MECOM: variants seen among roughly 807,000 people sequenced by gnomAD.
MECOM encodes MDS1 and EVI1 complex locus, also known as histone-lysine N-methyltransferase MECOM.
In MECOM, 13 loss-of-function variants were observed where a neutral mutation model predicts 116.3. The observed-to-expected ratio is 0.11, with a 90% CI of 0.07 to 0.18. MECOM has a LOEUF of 0.18. Among genes scored for constraint, MECOM ranks in the 10% least tolerant of loss-of-function variants. The pLI is 1.00. For synonymous variants in MECOM, 528 were observed against 535.2 expected (o/e 0.99, Z 0.19); for missense variants, 1,299 against 1,509.0 (o/e 0.86, Z 2.31).
chr3:169,194,373 G>A (rs1481714089), intron 2 of MECOM, among the ~76,000 whole-genome samples: 3 of 152,006 alleles, frequency 2.0e-5, no homozygotes, highest in Non-Finnish European at 2.9e-5. Context: ...TAAATGATGG[G>A]TTAATGGGTG....
chr3:169,205,124 C>A (rs1749731753), intron 2 of MECOM, among the ~76,000 whole-genome samples: 1 of 152,088 alleles, frequency 6.6e-6, no homozygotes, highest in South Asian at 2.1e-4. Context: ...TGAGGTCTTT[C>A]AGACCTAATA....
intron 2 of MECOM, among the ~76,000 whole-genome samples, chr3:169,222,548 T>C (rs73172025): frequency 6.6e-6 from 1 of 152,310 alleles, no homozygotes; most frequent in Non-Finnish European, 1.5e-5. Context: ...GTGAGTGCTG[T>C]TGGGTTTTGG....
At chr3:169,542,242 C>G (rs766184723) in intron 1 of MECOM, among the ~76,000 whole-genome samples, 2 of 151,988 alleles carry the variant, frequency 1.3e-5, no homozygotes, top group South Asian at 2.1e-4. Context: ...AACTGGCTGA[C>G]CTTTCACAGC....
intron 1 of MECOM, among the ~76,000 whole-genome samples, chr3:169,624,997 T>C (rs1771183545): frequency 6.7e-6 from 1 of 149,122 alleles, no homozygotes; most frequent in South Asian, 2.1e-4. Flanking sequence ...CCAACCCTTC[T>C]GAGTTTCTGA....
chr3:169,661,114 G>T (rs1160338638), intron 1 of MECOM, among the ~76,000 whole-genome samples: 1 of 152,214 alleles, frequency 6.6e-6, no homozygotes, highest in Non-Finnish European at 1.5e-5. Context: ...AGACGGCATC[G>T]TATGTCTTGC....
intron 2 of MECOM, among the ~76,000 whole-genome samples, chr3:169,368,052 T>C (rs575290723): frequency 1.3e-5 from 2 of 152,204 alleles, no homozygotes; most frequent in Non-Finnish European, 2.9e-5. Flanking sequence ...ATATCAACTT[T>C]AAAGACGTAG....
rs10576266 is a variant in MECOM, at chr3:169,180,794, G to GATATATATATAT, written c.376-36974_376-36963dup. On this transcript the variant is annotated intron_variant, in intron 2 of 16. Coordinates refer to ENST00000651503, the MANE Select transcript of MECOM (RefSeq NM_004991.4). ...TATGTATGTGTGTGTGTGTGGAGAT[G>GATATATATATAT]ATATATATATATATATATATCAGGC... is the stretch of plus-strand genomic sequence containing the variant. Among the ~76,000 whole-genome samples, 713 of 108,742 alleles carry GATATATATATAT rather than the reference G, an allele frequency of 6.6e-3. 56 individuals carry two copies. Among genetic ancestry groups the GATATATATATAT allele is most frequent in the South Asian group, 0.02 (70 of 3,524 alleles). 71.3% of individuals were successfully genotyped at this position (108,742 alleles called of 152,430 possible). A position where few individuals can be genotyped will look rare whatever the true frequency, so the allele number is the denominator to read the frequency against.
intron 1 of MECOM, among the ~76,000 whole-genome samples, chr3:169,408,453 A>G (rs1737042869): frequency 1.3e-5 from 2 of 152,206 alleles, no homozygotes; most frequent in South Asian, 4.1e-4. Flanking sequence ...TTCTCATACC[A>G]CAGGGACCAG....
intron 1 of MECOM, among the ~76,000 whole-genome samples, chr3:169,450,638 G>T (rs895354813): frequency 2.0e-5 from 3 of 151,856 alleles, no homozygotes; most frequent in African/African-American, 7.3e-5. Context: ...GAGTAGTCAC[G>T]CTGTGTTCTC....
chr3:169,221,512 C>G (rs1033113505), intron 2 of MECOM, among the ~76,000 whole-genome samples: 1 of 151,146 alleles, frequency 6.6e-6, no homozygotes, highest in Non-Finnish European at 1.5e-5. Context: ...CCCCTTGGAC[C>G]CATGGGCTTT....
At position 169,547,298 on chromosome 3, in the gene MECOM, G is replaced by GT. The variant is rs1297412200; in HGVS notation, c.37+116037dup. The stretch of plus-strand genomic sequence containing the variant: ...TTCCTCTTAGCCTTCTGCCATGATC[G>GT]TAAGTTTCCTGAGGCCTCCCAGCAA... On this transcript the variant is annotated intron_variant, in intron 1 of 16. Transcript: ENST00000651503. Among the ~76,000 whole-genome samples the GT allele has an allele frequency of 4.1e-4, 63 of 152,162 alleles. 1 individual carries two copies. The highest frequency in any genetic ancestry group is 2.5e-4 in the Non-Finnish European group (17 of 68,024).
chr3:169,656,987 A>G (rs935341618), intron 1 of MECOM, among the ~76,000 whole-genome samples: 1 of 152,246 alleles, frequency 6.6e-6, no homozygotes, highest in Non-Finnish European at 1.5e-5. Flanking sequence ...TGAAATATGA[A>G]GATAATATCT....
intron 2 of MECOM, among the ~76,000 whole-genome samples, chr3:169,289,870 A>G (rs1204627178): frequency 6.6e-6 from 1 of 152,190 alleles, no homozygotes; most frequent in African/African-American, 2.4e-5. Flanking sequence ...TTTGCCACTA[A>G]GTGAAGTTAA....
intron 2 of MECOM, among the ~76,000 whole-genome samples, chr3:169,237,227 T>C (rs898976131): frequency 6.6e-5 from 10 of 152,206 alleles, no homozygotes; most frequent in South Asian, 2.1e-4. Context: ...TTAGCTTCTA[T>C]GAAAATATTT....
chr3:169,655,867 G>T (rs1775484144), intron 1 of MECOM, among the ~76,000 whole-genome samples: 1 of 152,180 alleles, frequency 6.6e-6, no homozygotes. Context: ...TATTGAGCAT[G>T]TGCCTTAGGT....
intron 1 of MECOM, among the ~76,000 whole-genome samples, chr3:169,437,365 G>A (rs935920346): frequency 1.6e-4 from 24 of 152,100 alleles, no homozygotes; most frequent in African/African-American, 5.6e-4. Context: ...TTTCTATACA[G>A]GAAGGTTTAT....
intron 2 of MECOM, among the ~76,000 whole-genome samples, chr3:169,207,579 C>T (rs1750108077): frequency 6.6e-6 from 1 of 152,134 alleles, no homozygotes; most frequent in South Asian, 2.1e-4. Context: ...GAAAAAACTA[C>T]ATATAAGTAC....
intron 2 of MECOM, among the ~76,000 whole-genome samples, chr3:169,298,749 T>C (rs1716116660): frequency 6.6e-6 from 1 of 152,150 alleles, no homozygotes; most frequent in South Asian, 2.1e-4. Flanking sequence ...ACATTGCAGC[T>C]GCACTGAGGA....
At chr3:169,553,484 G>C (rs1761652407) in intron 1 of MECOM, among the ~76,000 whole-genome samples, 1 of 152,160 alleles carries the variant, frequency 6.6e-6, no homozygotes, top group Non-Finnish European at 1.5e-5. Context: ...GAATGAATTA[G>C]CAAGAGATAA....
Sources: gnomAD v4.1 joint callset for allele counts (sites outside exome capture counted in the v4.1 genomes callset) on GRCh38, gnomAD v4.1.1 for gene constraint, MANE v1.5 for transcripts, NCBI Gene and HGNC (gene_info 2026-07-23, HGNC 2026-07-21) for gene names.